The following MARCHF1 variants were observed in gnomAD, a reference collection of about 807,000 sequenced individuals.
MARCHF1 encodes E3 ubiquitin-protein ligase MARCHF1.
Under a neutral mutation model 54.2 loss-of-function variants are expected in MARCHF1, and 40 were observed. The observed-to-expected ratio is 0.74, with a 90% confidence interval of 0.57 to 0.96. MARCHF1 has a LOEUF of 0.96. Ranked by LOEUF, MARCHF1 falls within the 40% of genes least tolerant of loss-of-function variation. MARCHF1 has a pLI of 0.00. For synonymous variants in MARCHF1, 236 were observed against 236.3 expected, an observed-to-expected ratio of 1.00 and a Z score of 0.01; for missense variants, 586 against 656.5, an observed-to-expected ratio of 0.89 and a Z score of 1.17.
Position 163,525,096 on chromosome 4 carries a change from ATAC to A in MARCHF1, c.*3649_*3651del, listed in dbSNP as rs1738050868. 1 of 152,154 alleles carries A rather than the reference ATAC, an allele frequency of 6.6e-6. No individual in the cohort carries two copies. The highest frequency in any genetic ancestry group is 1.5e-5 in the Non-Finnish European group (1 of 68,010). The allele number at this position is 152,154 out of a possible 1,614,324, so 9.4% of individuals were successfully genotyped here. A position where few individuals can be genotyped will look rare whatever the true frequency, so the allele number is the denominator to read the frequency against. ...TTATATAACAACTATAATAATAATG[ATAC>A]TAATAACTTTTAAGAGCTGTACTCT... is the stretch of plus-strand genomic sequence containing the variant. On this transcript the variant is annotated 3_prime_UTR_variant, in exon 10 of 10. Transcript: ENST00000514618.
In MARCHF1 at chr4:163,707,863, A is replaced by G. The variant is rs546971877; in HGVS notation, c.112-7000T>C. Among the ~76,000 whole-genome samples, 15 of 151,728 alleles carry G rather than the reference A, an allele frequency of 9.9e-5. No individual in the cohort carries two copies. The South Asian group carries it at 3.1e-3, about 32-fold the overall frequency. On this transcript the variant is annotated intron_variant, in intron 4 of 9. Transcript: ENST00000514618. ...TTAAGTTAATGTCTCAAAGCTTTAAACCCACTCTTCTAGCTTCTGTTCTGG... is the reference window on the plus strand; with the variant it reads ...TTAAGTTAATGTCTCAAAGCTTTAAGCCCACTCTTCTAGCTTCTGTTCTGG...
At chr4:164,157,553 G>A (rs1402163972) in intron 1 of MARCHF1, among the ~76,000 whole-genome samples, 1 of 152,148 alleles carries the variant, frequency 6.6e-6, no homozygotes, top group African/African-American at 2.4e-5. Context: ...TGCAGTTCTG[G>A]AAGCTTGAAA....
At chr4:164,105,938 A>C (rs886280418) in intron 2 of MARCHF1, among the ~76,000 whole-genome samples, 3 of 147,358 alleles carry the variant, frequency 2.0e-5, no homozygotes, top group African/African-American at 5.1e-5. Flanking sequence ...AAACAACCCC[A>C]TCAAAAAGTG....
chr4:164,035,679 A>C (rs1174312794), intron 2 of MARCHF1, among the ~76,000 whole-genome samples: 2 of 149,684 alleles, frequency 1.3e-5, no homozygotes, highest in Non-Finnish European at 1.5e-5. Flanking sequence ...TCACACAGAC[A>C]AAAAAAATAA....
intron 2 of MARCHF1, among the ~76,000 whole-genome samples, chr4:164,082,965 C>A (rs1046353432): frequency 1.3e-5 from 2 of 152,280 alleles, no homozygotes; most frequent in African/African-American, 4.8e-5. Context: ...CCCCTTCTCA[C>A]ATGTTGGAAT....
intron 3 of MARCHF1, among the ~76,000 whole-genome samples, chr4:163,897,178 A>C (rs1004761921): frequency 6.6e-6 from 1 of 152,170 alleles, no homozygotes; most frequent in African/African-American, 2.4e-5. Context: ...TAATATCAAG[A>C]TCAAACACCC....
chr4:163,795,339 C>T (rs1400078195), intron 4 of MARCHF1, among the ~76,000 whole-genome samples: 2 of 152,266 alleles, frequency 1.3e-5, no homozygotes, highest in African/African-American at 4.8e-5. Flanking sequence ...AAGAGATTCT[C>T]CTGCCTCAGC....
At chr4:163,702,329 T>C (rs1744834295) in intron 4 of MARCHF1, among the ~76,000 whole-genome samples, 2 of 152,200 alleles carry the variant, frequency 1.3e-5, no homozygotes, top group Admixed American at 1.3e-4. Flanking sequence ...ACTCCTCTTC[T>C]AGAGACTAGA....
chr4:164,079,888 T>C (rs888321936), intron 2 of MARCHF1, among the ~76,000 whole-genome samples: 2 of 152,190 alleles, frequency 1.3e-5, no homozygotes, highest in Non-Finnish European at 2.9e-5. Flanking sequence ...AATAATGTTA[T>C]GAACAAAATA....
At chr4:163,645,092 C>T (rs905542539) in intron 5 of MARCHF1, among the ~76,000 whole-genome samples, 2 of 152,130 alleles carry the variant, frequency 1.3e-5, no homozygotes, top group Admixed American at 1.3e-4. Context: ...TGGAGGAAGC[C>T]ACATTTATCC....
chr4:163,996,273 G>A (rs1449802037), intron 2 of MARCHF1, among the ~76,000 whole-genome samples: 2 of 151,938 alleles, frequency 1.3e-5, no homozygotes, highest in Non-Finnish European at 2.9e-5. Flanking sequence ...CGTGGAAAGT[G>A]CTAGAAGAAA....
intron 4 of MARCHF1, among the ~76,000 whole-genome samples, chr4:163,783,248 A>C (rs1448786296): frequency 6.6e-6 from 1 of 152,260 alleles, no homozygotes; most frequent in Non-Finnish European, 1.5e-5. Context: ...ATAACTTCAA[A>C]TATCACAAAG....
chr4:163,813,896 T>G (rs1168214429), intron 4 of MARCHF1, among the ~76,000 whole-genome samples: 1 of 152,110 alleles, frequency 6.6e-6, no homozygotes, highest in Non-Finnish European at 1.5e-5. Context: ...TCATGGCCTT[T>G]GGAACACCAA....
At chr4:164,260,306 G>A (rs1733428165) in intron 1 of MARCHF1, among the ~76,000 whole-genome samples, 1 of 151,854 alleles carries the variant, frequency 6.6e-6, no homozygotes. Context: ...GAGACCACTG[G>A]GTTCAGTAAA....
At chr4:164,033,559 GA>G (rs1189330932) in intron 2 of MARCHF1, among the ~76,000 whole-genome samples, 1 of 151,972 alleles carries the variant, frequency 6.6e-6, no homozygotes, top group Non-Finnish European at 1.5e-5. Context: ...AATTTACAAG[GA>G]ACTTAAACAA....
At chr4:163,875,031 C>A (rs1231310055) in intron 3 of MARCHF1, among the ~76,000 whole-genome samples, 2 of 152,156 alleles carry the variant, frequency 1.3e-5, no homozygotes, top group Admixed American at 1.3e-4. Flanking sequence ...ATTTCTGAAT[C>A]TCTGAAAATT....
chr4:164,277,822 C>T (rs1245398716), intron 1 of MARCHF1, among the ~76,000 whole-genome samples: 1 of 152,124 alleles, frequency 6.6e-6, no homozygotes, highest in East Asian at 1.9e-4. Flanking sequence ...TCCAGTGCAC[C>T]ATTTAGAACT....
intron 8 of MARCHF1, 27 bp from the exon 9 acceptor site, chr4:163,545,770 A>G: frequency 6.2e-7 from 1 of 1,606,844 alleles, no homozygotes; most frequent in Non-Finnish European, 8.5e-7. Flanking sequence ...AGGACACAAA[A>G]CTGAATTGCA....
rs62334078 is a variant in MARCHF1 at position 163,592,624 on chromosome 4, T to C, written c.1011-6695A>G. 6.1e-3 allele frequency among the ~76,000 whole-genome samples: 927 copies of C among 152,266 alleles called. 7 individuals carry two copies. Among genetic ancestry groups the C allele is most frequent in the South Asian group, 0.045 (218 of 4,818 alleles). ...GAAAGCAGAGGAGGCCAAGTCTTAT[T>C]TGAATTCACAGACATTGAATTCTGC... On this transcript the variant is annotated intron_variant, in intron 7 of 9. Coordinates refer to ENST00000514618, the MANE Select transcript of MARCHF1 (RefSeq NM_001394959.1).
Sources: allele counts gnomAD v4.1 joint callset (sites outside exome capture counted in the v4.1 genomes callset), GRCh38; gene constraint gnomAD v4.1.1; transcripts MANE v1.5; gene names NCBI Gene and HGNC (gene_info 2026-07-23, HGNC 2026-07-21).